TSPAN9: variants seen among roughly 807,000 people sequenced by gnomAD.
The protein encoded by TSPAN9 is tetraspanin 9.
In TSPAN9, 16 loss-of-function variants were observed where a neutral mutation model predicts 31.0. The observed-to-expected ratio is 0.52, with a 90% CI of 0.35 to 0.78. The LOEUF (loss-of-function observed/expected upper bound fraction) is 0.78. Among genes scored for constraint, TSPAN9 ranks in the 30% least tolerant of loss-of-function variants. The probability of loss-of-function intolerance (pLI) is 0.01; values close to 1 mark genes in which losing one functional copy is unlikely to be tolerated. For missense variants in TSPAN9, 272 were observed against 312.5 expected, an observed-to-expected ratio of 0.87 and a Z score of 0.98; for synonymous variants, 145 against 121.6, an observed-to-expected ratio of 1.19 and a Z score of -1.27.
At chr12:3,259,163 T>C (rs1222195689) in intron 3 of TSPAN9, among the ~76,000 whole-genome samples, 1 of 152,244 alleles carries the variant, frequency 6.6e-6, no homozygotes. Context: ...TTAAGTCACT[T>C]TCCTGAGTTT....
chr12:3,078,210 T>C (rs551751292), intron 1 of TSPAN9, among the ~76,000 whole-genome samples: 1 of 152,104 alleles, frequency 6.6e-6, no homozygotes. Flanking sequence ...GCTACCTTTT[T>C]CTCGCATCAC....
chr12:3,135,855 C>A (rs886419208), intron 2 of TSPAN9, among the ~76,000 whole-genome samples: 1 of 152,222 alleles, frequency 6.6e-6, no homozygotes, highest in African/African-American at 2.4e-5. Flanking sequence ...CTGTGACATT[C>A]TTGAGAAGCG....
chr12:3,193,410 G>A (rs1480974568), intron 2 of TSPAN9, among the ~76,000 whole-genome samples: 1 of 152,150 alleles, frequency 6.6e-6, no homozygotes, highest in African/African-American at 2.4e-5. Context: ...TGCTGTAGCT[G>A]GTTTATAGCT....
intron 2 of TSPAN9, among the ~76,000 whole-genome samples, chr12:3,093,239 C>T (rs557783440): frequency 5.1e-4 from 77 of 152,208 alleles, no homozygotes; most frequent in Non-Finnish European, 8.8e-4. Context: ...TTCCAGCTGG[C>T]TTTGGTTGTG....
intron 2 of TSPAN9, among the ~76,000 whole-genome samples, chr12:3,197,444 A>T (rs1180953511): frequency 6.6e-6 from 1 of 152,146 alleles, no homozygotes; most frequent in Admixed American, 6.5e-5. Context: ...GAACCCAGAG[A>T]GAGTAGCTGC....
At chr12:3,191,174 T>C (rs1265612763) in intron 2 of TSPAN9, among the ~76,000 whole-genome samples, 1 of 151,728 alleles carries the variant, frequency 6.6e-6, no homozygotes, top group Non-Finnish European at 1.5e-5. Context: ...TTGGTGGGAG[T>C]GTAGGCCAAG....
At chr12:3,197,002 C>A (rs141801703) in intron 2 of TSPAN9, among the ~76,000 whole-genome samples, 17 of 152,318 alleles carry the variant, frequency 1.1e-4, no homozygotes, top group African/African-American at 3.8e-4. Flanking sequence ...AGGCCCCCAT[C>A]TGAGACTGGT....
intron 2 of TSPAN9, among the ~76,000 whole-genome samples, chr12:3,160,296 C>T (rs12099733): frequency 6.6e-6 from 1 of 152,150 alleles, no homozygotes; most frequent in Non-Finnish European, 1.5e-5. Context: ...TTTGATTACG[C>T]AATAATATTT....
At chr12:3,125,518 G>C (rs2098326953) in intron 2 of TSPAN9, among the ~76,000 whole-genome samples, 1 of 152,072 alleles carries the variant, frequency 6.6e-6, no homozygotes, top group Non-Finnish European at 1.5e-5. Flanking sequence ...AATAGGTACT[G>C]TTCTTATTGG....
In TSPAN9 at chr12:3,089,105, G is replaced by A. The variant is rs1482840130; in HGVS notation, c.-18+5386G>A. ...AAATTAGCCGGGCGTGGTGGCGGGC[G>A]CCTGTAGTCCCAGCCACTCGGGAGG... On this transcript the variant is annotated intron_variant, in intron 2 of 8. Transcript: ENST00000011898. Among the ~76,000 whole-genome samples, 14 of 151,324 alleles carry A rather than the reference G, an allele frequency of 9.3e-5. No individual in the cohort carries two copies. The East Asian group carries it at 1.0e-3, about 11-fold the overall frequency.
At chr12:3,239,592 C>A (rs1429272981) in intron 3 of TSPAN9, among the ~76,000 whole-genome samples, 1 of 152,120 alleles carries the variant, frequency 6.6e-6, no homozygotes, top group Non-Finnish European at 1.5e-5. Flanking sequence ...TCATTTTTTG[C>A]CTTTTAGAAG....
Position 3,280,615 on chromosome 12 carries a change from C to T in TSPAN9, c.432+132C>T. ...TTTTAGCCGGGAGTGGAGTGGTACC[C>T]ACGGGGGCATTTGCCTGAACTGCTG... is the stretch of plus-strand genomic sequence containing the variant. On this transcript the variant is annotated intron_variant, in intron 6 of 8. Coordinates refer to ENST00000011898, the MANE Select transcript of TSPAN9 (RefSeq NM_006675.5). The surrounding 1 kb of genome is among the most constrained non-coding windows in gnomAD (Gnocchi z 4.5). 1.2e-6 allele frequency: 1 copy of T among 806,150 alleles called. No individual in the cohort carries two copies. The highest frequency in any genetic ancestry group is 1.6e-5 in the South Asian group (1 of 61,342). The allele number at this position is 806,150 out of a possible 1,614,324, so 49.9% of individuals were successfully genotyped here.
chr12:3,081,853 T>TATATATATATATG (rs2098298097), intron 1 of TSPAN9, among the ~76,000 whole-genome samples: 1 of 149,510 alleles, frequency 6.7e-6, no homozygotes. Flanking sequence ...TGTATATATA[T>TATATATATATATG]GCCAGGTGTG....
At chr12:3,269,021 C>T (rs1237510548) in intron 3 of TSPAN9, among the ~76,000 whole-genome samples, 1 of 90,482 alleles carries the variant, frequency 1.1e-5, no homozygotes, top group Non-Finnish European at 2.2e-5. Context: ...TCTCTGTGTT[C>T]CTGCAGCCTG....
At chr12:3,119,490 G>A (rs576447985) in intron 2 of TSPAN9, among the ~76,000 whole-genome samples, 1 of 152,176 alleles carries the variant, frequency 6.6e-6, no homozygotes, top group Non-Finnish European at 1.5e-5. Flanking sequence ...CAGGAGCTCC[G>A]TTGTGAAATG....
intron 1 of TSPAN9, among the ~76,000 whole-genome samples, chr12:3,078,476 A>G (rs76375200): frequency 0.018 from 2,688 of 152,304 alleles, 37 homozygotes; most frequent in Non-Finnish European, 0.026. Flanking sequence ...TGTTGAATAT[A>G]TGCTTTGCTA....
At chr12:3,162,685 A>C (rs1447814910) in intron 2 of TSPAN9, among the ~76,000 whole-genome samples, 1 of 152,210 alleles carries the variant, frequency 6.6e-6, no homozygotes, top group Non-Finnish European at 1.5e-5. Flanking sequence ...TTGGGCCAGA[A>C]GAAGACCATT....
At chr12:3,152,616 C>A (rs558696864) in intron 2 of TSPAN9, among the ~76,000 whole-genome samples, 37 of 141,264 alleles carry the variant, frequency 2.6e-4, no homozygotes, top group Non-Finnish European at 5.1e-4. Flanking sequence ...GACGGAGTCT[C>A]GCTCTGTTGC....
At chr12:3,109,265 A>AGTGTGT (rs1461795540) in intron 2 of TSPAN9, among the ~76,000 whole-genome samples, 4 of 26,960 alleles carry the variant, frequency 1.5e-4, no homozygotes, top group African/African-American at 6.0e-4. Context: ...TGTTTCATAT[A>AGTGTGT]GTCTGTGTGT....
Sources: gnomAD v4.1 joint callset for allele counts (sites outside exome capture counted in the v4.1 genomes callset) on GRCh38, gnomAD v4.1.1 for gene constraint, Gnocchi (gnomAD v3.1) non-coding constraint, MANE v1.5 for transcripts, NCBI Gene and HGNC (gene_info 2026-07-23, HGNC 2026-07-21) for gene names.